The following SMAD3 variants were observed in gnomAD, a reference collection of about 807,000 sequenced individuals.
The protein encoded by SMAD3 is MAD homolog 3.
SMAD3 carries 12 observed loss-of-function variants against 51.8 expected under a neutral mutation model. The ratio of observed to expected loss-of-function variants is 0.23; its 90% confidence interval spans 0.15 to 0.38. SMAD3 has a LOEUF of 0.38. SMAD3 is among the 10% of genes least tolerant of loss of function. The pLI, the probability that SMAD3 is intolerant of heterozygous loss-of-function variation, is 1.00. For missense variants in SMAD3, 294 were observed against 565.6 expected (o/e 0.52, Z 4.87); for synonymous variants, 238 against 227.7 (o/e 1.05, Z -0.41).
chr15:67,098,689 T>G (rs892009145), intron 1 of SMAD3: 11 of 569,526 alleles, frequency 1.9e-5, no homozygotes, highest in Non-Finnish European at 3.1e-5. Context: ...AAAACAAGCT[T>G]CGGGAGTTGG....
At chr15:67,158,424 C>T (rs758823940) in intron 1 of SMAD3, among the ~76,000 whole-genome samples, 23 of 152,228 alleles carry the variant, frequency 1.5e-4, no homozygotes, top group Non-Finnish European at 1.5e-4. Flanking sequence ...TCTTCCCTGT[C>T]GTGAGTTTGG....
chr15:67,163,245 G>A (rs1962479506), intron 1 of SMAD3, among the ~76,000 whole-genome samples: 1 of 152,080 alleles, frequency 6.6e-6, no homozygotes, highest in Admixed American at 6.5e-5. Context: ...AAGTGGTTTT[G>A]GTGATTATTT....
chr15:67,180,633 A>G (rs760254509), intron 5 of SMAD3, among the ~76,000 whole-genome samples: 83 of 151,756 alleles, frequency 5.5e-4, no homozygotes, highest in Non-Finnish European at 9.9e-4. Context: ...CACTGCGCCA[A>G]CATGGGGCGC....
At chr15:67,190,364 T>A in intron 8 of SMAD3, 49 bp from the exon 9 acceptor site, 1 of 1,576,618 alleles carries the variant, frequency 6.3e-7, no homozygotes. Context: ...TGTAACCCCC[T>A]GGAGATTTTT....
chr15:67,137,506 T>G (rs1961696198), intron 1 of SMAD3, among the ~76,000 whole-genome samples: 1 of 152,242 alleles, frequency 6.6e-6, no homozygotes, highest in Non-Finnish European at 1.5e-5. Flanking sequence ...GGGTAAAATT[T>G]TGCATATCTG....
chr15:67,162,645 T>G (rs1381397075), intron 1 of SMAD3, among the ~76,000 whole-genome samples: 1 of 152,074 alleles, frequency 6.6e-6, no homozygotes, highest in Non-Finnish European at 1.5e-5. Context: ...TCAAGCCAGC[T>G]CTCTCTCATG....
At chr15:67,080,924 G>C (rs1277947382) in intron 1 of SMAD3, among the ~76,000 whole-genome samples, 10 of 152,220 alleles carry the variant, frequency 6.6e-5, no homozygotes, top group Admixed American at 2.0e-4. Flanking sequence ...TTTATTGGAA[G>C]TCTGGAGAGG....
At chr15:67,066,904 C>G (rs1428181289) in intron 1 of SMAD3, among the ~76,000 whole-genome samples, 1 of 152,208 alleles carries the variant, frequency 6.6e-6, no homozygotes, top group Non-Finnish European at 1.5e-5. Flanking sequence ...CTTCTTCGTT[C>G]TTTCTTTGCC....
chr15:67,098,886 A>C (rs774736734), intron 1 of SMAD3: 32 of 701,608 alleles, frequency 4.6e-5, no homozygotes, highest in South Asian at 4.3e-4. Context: ...GGGAGGGTGG[A>C]CTCCGTTCCT....
At chr15:67,147,214 G>T (rs1962001955) in intron 1 of SMAD3, among the ~76,000 whole-genome samples, 1 of 152,208 alleles carries the variant, frequency 6.6e-6, no homozygotes, top group Non-Finnish European at 1.5e-5. Context: ...ATGGGCCCAG[G>T]CTTGACAGCC....
intron 1 of SMAD3, chr15:67,098,646 C>T (rs1434926733): frequency 4.6e-5 from 25 of 539,556 alleles, no homozygotes; most frequent in Middle Eastern, 4.9e-4. Flanking sequence ...GGTGGGGCCG[C>T]GTTTTTCTCC....
At chr15:67,116,740 C>T (rs902438220) in intron 1 of SMAD3, among the ~76,000 whole-genome samples, 9 of 152,134 alleles carry the variant, frequency 5.9e-5, no homozygotes, top group Admixed American at 5.9e-4. Flanking sequence ...AACTGAGCAT[C>T]AGGAAGGGAG....
chr15:67,104,802 T>C (rs1339068914), intron 1 of SMAD3, among the ~76,000 whole-genome samples: 1 of 152,274 alleles, frequency 6.6e-6, no homozygotes, highest in Non-Finnish European at 1.5e-5. Context: ...TAGATAAATG[T>C]ATAAACTGCA....
At chr15:67,122,474 G>A (rs1961287426) in intron 1 of SMAD3, among the ~76,000 whole-genome samples, 1 of 152,150 alleles carries the variant, frequency 6.6e-6, no homozygotes, top group Non-Finnish European at 1.5e-5. Flanking sequence ...TTATGGAGCT[G>A]GTGATCTCTT....
intron 5 of SMAD3, among the ~76,000 whole-genome samples, chr15:67,173,127 C>T (rs1231975286): frequency 1.3e-5 from 2 of 152,056 alleles, no homozygotes; most frequent in African/African-American, 2.4e-5. Flanking sequence ...AGGGATGGAG[C>T]GATGGGATTC....
chr15:67,165,615 G>A (rs1044378748), intron 3 of SMAD3, among the ~76,000 whole-genome samples: 4 of 152,246 alleles, frequency 2.6e-5, no homozygotes, highest in East Asian at 3.9e-4. Context: ...GAGGAGCAGC[G>A]TGACCCTTCC....
chr15:67,068,515 G>GA (rs1555405249), intron 1 of SMAD3, among the ~76,000 whole-genome samples: 2 of 152,212 alleles, frequency 1.3e-5, no homozygotes, highest in Non-Finnish European at 2.9e-5. Context: ...GGAAGCCTAA[G>GA]ACGTGTGAAC....
At chr15:67,187,302 A>G in intron 7 of SMAD3, 63 bp from the exon 8 acceptor site, 1 of 1,604,786 alleles carries the variant, frequency 6.2e-7, no homozygotes, top group Non-Finnish European at 8.5e-7. Context: ...TGCTTTATCC[A>G]GGAGGGGAGC....
chr15:67,142,873 C>A (rs1261933480), intron 1 of SMAD3: 1 of 454,530 alleles, frequency 2.2e-6, no homozygotes, highest in Non-Finnish European at 4.4e-6. Context: ...GGGACATGAT[C>A]CCATGTGCAG....
Sources: gnomAD v4.1 joint callset for allele counts (sites outside exome capture counted in the v4.1 genomes callset) on GRCh38, gnomAD v4.1.1 for gene constraint, MANE v1.5 for transcripts, NCBI Gene and HGNC (gene_info 2026-07-23, HGNC 2026-07-21) for gene names.